RERE: variants seen among roughly 807,000 people sequenced by gnomAD.
RERE encodes arginine-glutamic acid dipeptide repeats protein.
Under a neutral mutation model 146.1 loss-of-function variants are expected in RERE, and 40 were observed. That is an observed-to-expected ratio of 0.27 (90% CI 0.21 to 0.36). The LOEUF (loss-of-function observed/expected upper bound fraction) is 0.36, where lower values mean the gene tolerates loss of function less well. RERE is among the 10% of genes least tolerant of loss of function. The probability of loss-of-function intolerance (pLI) is 1.00; values close to 1 mark genes in which losing one functional copy is unlikely to be tolerated. For missense variants in RERE, 1,933 were observed against 2,138.7 expected (o/e 0.90, Z 1.90); for synonymous variants, 1,003 against 866.0 (o/e 1.16, Z -2.78).
chr1:8,529,920 C>G (rs913349027), intron 7 of RERE, among the ~76,000 whole-genome samples: 4 of 152,166 alleles, frequency 2.6e-5, no homozygotes, highest in African/African-American at 9.7e-5. Context: ...ACCCTGGTAC[C>G]CTACTCAGTG....
intron 12 of RERE, among the ~76,000 whole-genome samples, chr1:8,383,919 A>AATTC (rs1407412623): frequency 1.3e-5 from 2 of 151,638 alleles, no homozygotes; most frequent in Non-Finnish European, 2.9e-5. Context: ...AACTACAATG[A>AATTC]ATTCTATTGC....
intron 12 of RERE, among the ~76,000 whole-genome samples, chr1:8,379,625 C>T (rs1009857438): frequency 1.3e-5 from 2 of 152,194 alleles, no homozygotes; most frequent in Non-Finnish European, 2.9e-5. Context: ...GGGCGGCTGG[C>T]TCTCCCTTAA....
chr1:8,583,790 T>A (rs72639658), intron 4 of RERE, among the ~76,000 whole-genome samples: 20 of 152,156 alleles, frequency 1.3e-4, no homozygotes, highest in Non-Finnish European at 2.5e-4. Flanking sequence ...GCCATTTTTT[T>A]AACACTGCAT....
chr1:8,765,254 C>T (rs974685847), intron 1 of RERE, among the ~76,000 whole-genome samples: 14 of 152,182 alleles, frequency 9.2e-5, no homozygotes, highest in Admixed American at 5.2e-4. Context: ...TTACAAAAGA[C>T]TACATGATTC....
intron 11 of RERE, among the ~76,000 whole-genome samples, chr1:8,454,790 G>A (rs1644431665): frequency 6.6e-6 from 1 of 151,800 alleles, no homozygotes; most frequent in Admixed American, 6.6e-5. Flanking sequence ...GGGCGACAGG[G>A]TAAGACTCTG....
At chr1:8,456,762 T>G (rs1197218553) in intron 11 of RERE, among the ~76,000 whole-genome samples, 1 of 152,184 alleles carries the variant, frequency 6.6e-6, no homozygotes, top group Non-Finnish European at 1.5e-5. Context: ...CTTTGCACTG[T>G]TTCCTTGGCC....
chr1:8,761,333 T>TC (rs1344142131), intron 1 of RERE, among the ~76,000 whole-genome samples: 1 of 152,210 alleles, frequency 6.6e-6, no homozygotes, highest in East Asian at 1.9e-4. Flanking sequence ...AGTATCTCCA[T>TC]CTTAACCTTG....
chr1:8,671,885 A>G (rs1487818113), intron 1 of RERE, among the ~76,000 whole-genome samples: 1 of 152,194 alleles, frequency 6.6e-6, no homozygotes, highest in African/African-American at 2.4e-5. Flanking sequence ...AGTGATATGA[A>G]AAGGTAAAAC....
intron 4 of RERE, among the ~76,000 whole-genome samples, chr1:8,603,736 T>C (rs1009770824): frequency 3.3e-5 from 5 of 152,136 alleles, no homozygotes; most frequent in African/African-American, 1.2e-4. Context: ...ACCCTGGAAC[T>C]GCATCAGAAG....
chr1:8,525,042 A>G lies in RERE; in HGVS notation c.830+16172T>C, dbSNP rs149263967. 2.6e-5 allele frequency among the ~76,000 whole-genome samples: 4 copies of G among 152,348 alleles called. No homozygotes were observed. In the East Asian group the frequency reaches 7.7e-4, roughly 29 times the overall value. ...ACTTCAATTTCTAACACAAAAGTCA[A>G]TGCATACTTTTTTTAATTGCCAAAG... is the stretch of plus-strand genomic sequence containing the variant. On this transcript the variant is annotated intron_variant, in intron 7 of 22. Transcript: ENST00000400908.
chr1:8,681,292 C>T (rs556796410), intron 1 of RERE, among the ~76,000 whole-genome samples: 1 of 152,108 alleles, frequency 6.6e-6, no homozygotes, highest in Non-Finnish European at 1.5e-5. Flanking sequence ...TCATATAGGA[C>T]TATTCATATA....
At chr1:8,399,756 TTATC>T (rs1643182482) in intron 12 of RERE, among the ~76,000 whole-genome samples, 1 of 152,120 alleles carries the variant, frequency 6.6e-6, no homozygotes, top group Non-Finnish European at 1.5e-5. Flanking sequence ...ATCTCTCCAT[TTATC>T]TACGTCTTTT....
intron 1 of RERE, chr1:8,786,202 T>C: frequency 1.3e-6 from 1 of 771,386 alleles, no homozygotes; most frequent in South Asian, 1.4e-5. Flanking sequence ...ACACCTCGGT[T>C]CATTCTTCTA....
intron 4 of RERE, among the ~76,000 whole-genome samples, chr1:8,605,735 A>T: frequency 1.1e-5 from 1 of 89,154 alleles, no homozygotes; most frequent in African/African-American, 4.3e-5. Context: ...ACAGAGCAAG[A>T]CCCCATCTCC....
chr1:8,732,936 C>T (rs1640121031), intron 1 of RERE, among the ~76,000 whole-genome samples: 1 of 149,982 alleles, frequency 6.7e-6, no homozygotes, highest in South Asian at 2.1e-4. Flanking sequence ...ATTCTCCTGC[C>T]TCAGCCTCCC....
chr1:8,761,345 T>C (rs947863332), intron 1 of RERE, among the ~76,000 whole-genome samples: 9 of 152,236 alleles, frequency 5.9e-5, no homozygotes, highest in African/African-American at 2.2e-4. Context: ...TTAACCTTGA[T>C]GACTTCTCAA....
intron 2 of RERE, among the ~76,000 whole-genome samples, chr1:8,646,658 C>T (rs904030571): frequency 1.6e-4 from 24 of 151,952 alleles, no homozygotes; most frequent in Non-Finnish European, 3.4e-4. Context: ...GTAAGGTGAG[C>T]CCTAATCCAA....
chr1:8,733,057 G>C (rs1049634399), intron 1 of RERE, among the ~76,000 whole-genome samples: 2 of 151,926 alleles, frequency 1.3e-5, no homozygotes, highest in African/African-American at 4.8e-5. Context: ...TCCTGACCTC[G>C]TGATCCGCCC....
chr1:8,355,569 GC>G lies in RERE; in HGVS notation c.4516del (p.Ala1506ProfsTer53). 1 of 1,597,788 alleles carries G rather than the reference GC, an allele frequency of 6.3e-7. No individual in the cohort carries two copies. On this transcript the variant is annotated frameshift_variant, in exon 22 of 23. Coordinates refer to ENST00000400908, the MANE Select transcript of RERE (RefSeq NM_001042681.2). LOFTEE classifies it high-confidence loss of function. ...GGCTGCTGACATGGGGGGTGGGATG[GC>G]CCCAGGCAGGTCACGGGGGTAGGGG... The part of the protein sequence containing the change: ...GTPYPRDLPG[A>X]IPPPMSAAHQ...
Sources: allele counts gnomAD v4.1 joint callset (sites outside exome capture counted in the v4.1 genomes callset), GRCh38; gene constraint gnomAD v4.1.1; transcripts MANE v1.5; gene names NCBI Gene and HGNC (gene_info 2026-07-23, HGNC 2026-07-21).